The following RPIA variants were observed in gnomAD, a reference collection of about 807,000 sequenced individuals.
The protein encoded by RPIA is ribose-5-phosphate isomerase.
RPIA carries 29 observed loss-of-function variants against 37.8 expected under a neutral mutation model. The ratio of observed to expected loss-of-function variants is 0.77; its 90% CI spans 0.57 to 1.05. The LOEUF is 1.05. RPIA is among the 50% of genes least tolerant of loss of function. The pLI, the probability that RPIA is intolerant of heterozygous loss-of-function variation, is 0.00. For synonymous variants in RPIA, 167 were observed against 157.0 expected (o/e 1.06, Z -0.48); for missense variants, 385 against 413.6 (o/e 0.93, Z 0.60).
chr2:88,720,262 G>A (rs1012501344), intron 3 of RPIA, among the ~76,000 whole-genome samples: 3 of 151,482 alleles, frequency 2.0e-5, no homozygotes, highest in Admixed American at 6.6e-5. Context: ...GTTTTTTTTC[G>A]TAAGCAAATC....
chr2:88,734,711 C>T, intron 5 of RPIA, 95 bp downstream of exon 5: 1 of 1,294,694 alleles, frequency 7.7e-7, no homozygotes, highest in Non-Finnish European at 1.1e-6. Flanking sequence ...GCCACTGTGA[C>T]ATATGCAAGT....
intron 3 of RPIA, among the ~76,000 whole-genome samples, chr2:88,713,382 A>G (rs1672988281): frequency 6.6e-6 from 1 of 151,896 alleles, no homozygotes; most frequent in African/African-American, 2.4e-5. Context: ...ACAGAGCACT[A>G]TGTTAAATAC....
At chr2:88,699,238 A>G (rs1672799965) in intron 2 of RPIA, among the ~76,000 whole-genome samples, 1 of 152,094 alleles carries the variant, frequency 6.6e-6, no homozygotes, top group Non-Finnish European at 1.5e-5. Flanking sequence ...GCCAAATAGG[A>G]GCTTTTGTGT....
At position 88,698,564 on chromosome 2, in the gene RPIA, A is replaced by C. The variant is rs369848029; in HGVS notation, c.346+20A>C. The C allele has an allele frequency of 5.0e-6, 8 of 1,608,938 alleles. No individual in the cohort carries two copies. Among genetic ancestry groups the C allele is most frequent in the Non-Finnish European group, 6.0e-6 (7 of 1,175,222 alleles). On this transcript the variant is annotated intron_variant, in intron 2 of 8. Transcript: ENST00000283646. Reference sequence around the variant, plus strand: ...GAATAGGTATGCTCTCTCACTGTCTACTGGATGTTTTGTGTGTGATGATGG... The same window carrying C: ...GAATAGGTATGCTCTCTCACTGTCTCCTGGATGTTTTGTGTGTGATGATGG...
intron 3 of RPIA, among the ~76,000 whole-genome samples, chr2:88,729,015 T>G (rs1673231388): frequency 6.6e-6 from 1 of 152,218 alleles, no homozygotes; most frequent in Non-Finnish European, 1.5e-5. Flanking sequence ...TTCTCTTTCA[T>G]CACAAGTCAC....
chr2:88,739,131 T>C (rs1573478079), intron 8 of RPIA, among the ~76,000 whole-genome samples: 1 of 152,262 alleles, frequency 6.6e-6, no homozygotes, highest in South Asian at 2.1e-4. Context: ...CAAGGGCTCG[T>C]ACAGGGGGAT....
intron 1 of RPIA, among the ~76,000 whole-genome samples, chr2:88,695,982 A>G (rs940957782): frequency 1.0e-4 from 15 of 147,944 alleles, no homozygotes; most frequent in Non-Finnish European, 2.2e-4. Context: ...AATCTTTTCT[A>G]GTTATAGATG....
intron 8 of RPIA, among the ~76,000 whole-genome samples, chr2:88,743,683 G>T (rs924682132): frequency 5.9e-5 from 9 of 151,898 alleles, no homozygotes; most frequent in African/African-American, 2.2e-4. Flanking sequence ...TTTGTTGGCA[G>T]TTTTTTTAAT....
In RPIA at chr2:88,736,571, G is replaced by A. The variant is rs72930711; in HGVS notation, c.633G>A (p.Lys211=). 3,384 of 1,614,100 alleles carry A rather than the reference G, an allele frequency of 2.1e-3. 59 individuals are homozygous for A. The African/African-American group carries it at 0.038, about 18-fold the overall frequency. ...AGAATCTCGGGGATCAGTGGCACAAGGGAATCCCCATCGAGGTCATCCCAA... is the reference window on the plus strand; with the variant it reads ...AGAATCTCGGGGATCAGTGGCACAAAGGAATCCCCATCGAGGTCATCCCAA... The part of the protein sequence containing the change: ...DSKNLGDQWH[K]GIPIEVIPMA... The change falls in exon 7 of 9, where the codon AAG becomes AAA. Residue 211 remains lysine (K), a synonymous_variant. Coordinates refer to ENST00000283646, the MANE Select transcript of RPIA (RefSeq NM_144563.3).
At chr2:88,737,426 T>G (rs1673328223) in intron 7 of RPIA, among the ~76,000 whole-genome samples, 1 of 152,240 alleles carries the variant, frequency 6.6e-6, no homozygotes, top group Non-Finnish European at 1.5e-5. Flanking sequence ...GGTTGTACAG[T>G]GCTCTGACTG....
At chr2:88,701,831 T>C (rs181204953) in intron 3 of RPIA, among the ~76,000 whole-genome samples, 1 of 152,344 alleles carries the variant, frequency 6.6e-6, no homozygotes, top group Non-Finnish European at 1.5e-5. Flanking sequence ...GTAGTTCAAA[T>C]TGATGAGCTA....
chr2:88,697,411 GC>G (rs2104070015), intron 1 of RPIA, among the ~76,000 whole-genome samples: 1 of 152,354 alleles, frequency 6.6e-6, no homozygotes, highest in South Asian at 2.1e-4. Flanking sequence ...ACTTGGCTTT[GC>G]CTTGCAAAGG....
In RPIA at chr2:88,699,905, G is replaced by C. The variant is rs894267666; in HGVS notation, c.347-104G>C. On this transcript the variant is annotated intron_variant, in intron 2 of 8. Coordinates refer to ENST00000283646, the MANE Select transcript of RPIA (RefSeq NM_144563.3). ...ACAGGATGAAAGGCAGCTGTCTTTG[G>C]GAAATAGACCTTCCCTTGTCTGTTG... is the stretch of plus-strand genomic sequence containing the variant. The C allele has an allele frequency of 2.4e-6, 3 of 1,241,870 alleles. No homozygotes were observed. In the African/African-American group the frequency reaches 4.4e-5, roughly 18 times the overall value. The allele number at this position is 1,241,870 out of a possible 1,614,324, so 76.9% of individuals were successfully genotyped here.
At chr2:88,717,307 G>T (rs1167727507) in intron 3 of RPIA, among the ~76,000 whole-genome samples, 1 of 152,150 alleles carries the variant, frequency 6.6e-6, no homozygotes, top group Non-Finnish European at 1.5e-5. Context: ...ACCTCAGGAG[G>T]TCCTGACGAT....
chr2:88,736,458 C>A, intron 6 of RPIA, 77 bp from the exon 7 acceptor site: 1 of 1,518,820 alleles, frequency 6.6e-7, no homozygotes, highest in Non-Finnish European at 9.1e-7. Context: ...CTCATTAACC[C>A]TGTTCCTGAA....
In RPIA at chr2:88,706,107, G is replaced by T. The variant is rs374203229; in HGVS notation, c.402+6043G>T. 3.9e-4 allele frequency among the ~76,000 whole-genome samples: 60 copies of T among 152,254 alleles called. No homozygotes were observed. In the East Asian group the frequency reaches 9.5e-3, roughly 24 times the overall value. ...AGGAATGCTTTTACATTGTTGGTAG[G>T]AATGTAAATTAGTTCAGCCATTGTG... On this transcript the variant is annotated intron_variant, in intron 3 of 8. Transcript: ENST00000283646.
chr2:88,734,037 T>C (rs1673283990), intron 4 of RPIA, among the ~76,000 whole-genome samples: 1 of 152,096 alleles, frequency 6.6e-6, no homozygotes, highest in Admixed American at 6.5e-5. Context: ...TCATGTCCAC[T>C]TAAAATTGCC....
At chr2:88,746,767 C>T (rs953647683) in intron 8 of RPIA, among the ~76,000 whole-genome samples, 1 of 152,190 alleles carries the variant, frequency 6.6e-6, no homozygotes, top group Non-Finnish European at 1.5e-5. Context: ...GCCATGTGGA[C>T]AGACTCAGGA....
chr2:88,749,910 CCTG>C, intron 8 of RPIA, 68 bp from the exon 9 acceptor site: 1 of 1,032,488 alleles, frequency 9.7e-7, no homozygotes. Context: ...TTCTAGTGAC[CCTG>C]CAGTCTTTGA....
Sources: gnomAD v4.1 joint callset for allele counts (sites outside exome capture counted in the v4.1 genomes callset) on GRCh38, gnomAD v4.1.1 for gene constraint, MANE v1.5 for transcripts, NCBI Gene and HGNC (gene_info 2026-07-23, HGNC 2026-07-21) for gene names.